ARHGEF15: variants seen among roughly 807,000 people sequenced by gnomAD.
ARHGEF15 encodes the protein Rho guanine nucleotide exchange factor 15.
A neutral mutation model predicts 79.7 loss-of-function variants in ARHGEF15; 58 were observed. The ratio of observed to expected loss-of-function variants is 0.73; its 90% CI spans 0.59 to 0.91. The LOEUF (loss-of-function observed/expected upper bound fraction) is 0.91, where lower values mean the gene tolerates loss of function less well. ARHGEF15 is among the 40% of genes least tolerant of loss of function. The pLI, the probability that ARHGEF15 is intolerant of heterozygous loss-of-function variation, is 0.00. For synonymous variants in ARHGEF15, 442 were observed against 456.0 expected, an observed-to-expected ratio of 0.97 and a Z score of 0.39; for missense variants, 1,012 against 1,108.1, an observed-to-expected ratio of 0.91 and a Z score of 1.23.
chr17:8,315,042 T>A lies in ARHGEF15; in HGVS notation c.1049-24T>A. 1 of 1,613,402 alleles carries A rather than the reference T, an allele frequency of 6.2e-7. No individual in the cohort carries two copies. Among genetic ancestry groups the A allele is most frequent in the Non-Finnish European group, 8.5e-7 (1 of 1,179,618 alleles). ...AGGGTTTGGGAGCCCTGGGCTTCCC[T>A]GAAGTGCTATGTTTGCCCTCTAGAA... On this transcript the variant is annotated intron_variant, in intron 5 of 15. Transcript: ENST00000361926. The surrounding 1 kb of genome is among the most constrained non-coding windows in gnomAD (Gnocchi z 4.3).
rs777849960 is a variant in ARHGEF15 at position 8,318,817 on chromosome 17, G to C, written c.1940G>C (p.Arg647Pro). 3.1e-6 allele frequency: 5 copies of C among 1,613,650 alleles called. No individual in the cohort carries two copies. The highest frequency in any genetic ancestry group is 1.1e-5 in the South Asian group (1 of 91,082). ...FQGELTELGC[R>P]RGGVLFASRP... ...GGAGAGCTGACTGAGTTAGGGTGCC[G>C]GAGGGGGGGCGTGCTCTTTGCCTCG... The change falls in exon 12 of 16, where the codon CGG becomes CCG. Residue 647 changes from arginine (R) to proline (P), a missense_variant. By Grantham distance (103) the Arg-to-Pro change is moderately radical. This residue lies in a region of ARHGEF15 where 818 missense variants were observed against 882.5 expected (regional missense o/e 0.93). Transcript: ENST00000361926. The surrounding 1 kb of genome is among the most constrained non-coding windows in gnomAD (Gnocchi z 5.0).
chr17:8,314,726 C>T (rs1904889885), intron 4 of ARHGEF15, 180 bp from the exon 5 acceptor site: 1 of 648,490 alleles, frequency 1.5e-6, no homozygotes. Context: ...CATAACGAGA[C>T]CTTGCCTTTC....
chr17:8,318,302 C>A lies in ARHGEF15; in HGVS notation c.1705-85C>A. On this transcript the variant is annotated intron_variant, in intron 9 of 15. Transcript: ENST00000361926. The surrounding 1 kb of genome is among the most constrained non-coding windows in gnomAD (Gnocchi z 5.0). ...TCAGCCTTGTTGAAACTGGCTGAAA[C>A]AGACAGGGTCCTCTGAGCTGTGGCC... 1 of 1,337,892 alleles carries A rather than the reference C, an allele frequency of 7.5e-7. No homozygotes were observed. The highest frequency in any genetic ancestry group is 1.0e-6 in the Non-Finnish European group (1 of 963,558). 82.9% of individuals were successfully genotyped at this position (1,337,892 alleles called of 1,614,324 possible). A position where few individuals can be genotyped will look rare whatever the true frequency, so the allele number is the denominator to read the frequency against.
chr17:8,319,405 C>T lies in ARHGEF15; in HGVS notation c.2269+11C>T, dbSNP rs1419320944. ...TCTATGAGGACTGTGGTGAGTATCCCCCTAGAGGGGATGAGGGAAGAAAAA... is the reference window on the plus strand; with the variant it reads ...TCTATGAGGACTGTGGTGAGTATCCTCCTAGAGGGGATGAGGGAAGAAAAA... On this transcript the variant is annotated intron_variant, in intron 14 of 15. Transcript: ENST00000361926. The T allele has an allele frequency of 6.2e-7, 1 of 1,608,570 alleles. No homozygotes were observed. The highest frequency in any genetic ancestry group is 1.7e-5 in the Admixed American group (1 of 58,492).
chr17:8,318,281 C>A lies in ARHGEF15; in HGVS notation c.1705-106C>A. On this transcript the variant is annotated intron_variant, in intron 9 of 15. Transcript: ENST00000361926. The surrounding 1 kb of genome is among the most constrained non-coding windows in gnomAD (Gnocchi z 5.0). ...GATGGTGAGTGATGAGGTCTGTCAG[C>A]CTTGTTGAAACTGGCTGAAACAGAC... 9.2e-7 allele frequency: 1 copy of A among 1,086,670 alleles called. No homozygotes were observed. The highest frequency in any genetic ancestry group is 1.4e-6 in the Non-Finnish European group (1 of 739,848). 67.3% of individuals were successfully genotyped at this position (1,086,670 alleles called of 1,614,324 possible). A position where few individuals can be genotyped will look rare whatever the true frequency, so the allele number is the denominator to read the frequency against.
At chr17:8,311,081 TC>T (rs1904581033) in intron 1 of ARHGEF15, among the ~76,000 whole-genome samples, 2 of 151,604 alleles carry the variant, frequency 1.3e-5, no homozygotes, top group Admixed American at 6.6e-5. Flanking sequence ...ACCCCCTTGT[TC>T]CCCCCTCATC....
At position 8,321,089 on chromosome 17, in the gene ARHGEF15, G is replaced by C. The variant is rs1490250552; in HGVS notation, c.*96G>C. 5 of 1,509,280 alleles carry C rather than the reference G, an allele frequency of 3.3e-6. No homozygotes were observed. The highest frequency in any genetic ancestry group is 4.5e-6 in the Non-Finnish European group (5 of 1,104,302). 93.5% of individuals were successfully genotyped at this position (1,509,280 alleles called of 1,614,324 possible). On this transcript the variant is annotated 3_prime_UTR_variant, in exon 16 of 16. Coordinates refer to ENST00000361926, the MANE Select transcript of ARHGEF15 (RefSeq NM_173728.4). ...ATCCATTGGATTCACTGTCAGTGGA[G>C]ATACTACCTCTCGTGGCAACCATAG...
intron 9 of ARHGEF15, among the ~76,000 whole-genome samples, chr17:8,317,169 C>T (rs999715755): frequency 6.6e-6 from 1 of 152,148 alleles, no homozygotes; most frequent in Non-Finnish European, 1.5e-5. Flanking sequence ...GGCACGATCA[C>T]GGCTCACTGC....
In ARHGEF15 at chr17:8,313,150, T is replaced by A. The variant is rs871841; in HGVS notation, c.830T>A (p.Leu277His). ...ACTGCTGAGCGCAAACTCCTGCCAC[T>A]CCTCAAGCCTCCCAAACCAACTCGT... Reference protein sequence around the residue: ...RSTAERKLLPLLKPPKPTRVR... With the variant: ...RSTAERKLLPHLKPPKPTRVR... Residue 277 changes from leucine to histidine, a missense_variant, in exon 3 of 16, where the codon CTC becomes CAC. Coordinates refer to ENST00000361926, the MANE Select transcript of ARHGEF15 (RefSeq NM_173728.4). The A allele has an allele frequency of 6.3e-7, 1 of 1,595,074 alleles. No individual in the cohort carries two copies. The highest frequency in any genetic ancestry group is 8.6e-7 in the Non-Finnish European group (1 of 1,167,788).
intron 15 of ARHGEF15, 41 bp from the exon 16 acceptor site, chr17:8,320,801 C>G (rs1391399392): frequency 1.9e-6 from 3 of 1,605,474 alleles, no homozygotes; most frequent in Non-Finnish European, 2.6e-6. Context: ...CACCTGCTCC[C>G]TGCCCCCACC....
In ARHGEF15 at chr17:8,316,291, C is replaced by G. The variant is rs28503453; in HGVS notation, c.1704+143C>G. The G allele has an allele frequency of 2.6e-3, 3,520 of 1,337,694 alleles. 70 individuals are homozygous for G. In the African/African-American group the frequency reaches 0.045, roughly 17 times the overall value. 82.9% of individuals were successfully genotyped at this position (1,337,694 alleles called of 1,614,324 possible). ...CCAAATCATAACTCCGAATCTGGGTCTCTCAGCCTAGGACTCACCAAGTCC... is the reference window on the plus strand; with the variant it reads ...CCAAATCATAACTCCGAATCTGGGTGTCTCAGCCTAGGACTCACCAAGTCC... On this transcript the variant is annotated intron_variant, in intron 9 of 15. Transcript: ENST00000361926.
intron 15 of ARHGEF15, 33 bp from the exon 16 acceptor site, chr17:8,320,809 A>C (rs1597468197): frequency 6.2e-7 from 1 of 1,608,124 alleles, no homozygotes; most frequent in Admixed American, 1.7e-5. Flanking sequence ...CCCTGCCCCC[A>C]CCTCATTGGA....
intron 9 of ARHGEF15, among the ~76,000 whole-genome samples, chr17:8,316,604 A>T (rs1022852403): frequency 3.9e-5 from 6 of 152,236 alleles, no homozygotes; most frequent in African/African-American, 1.4e-4. Context: ...AATCTTAGTT[A>T]TTCCAACAGT....
At position 8,321,053 on chromosome 17, in the gene ARHGEF15, A is replaced by G. The variant is rs1905359055; in HGVS notation, c.*60A>G. 1.3e-6 allele frequency: 2 copies of G among 1,598,364 alleles called. No homozygotes were observed. The highest frequency in any genetic ancestry group is 8.6e-7 in the Non-Finnish European group (1 of 1,168,512). Reference sequence around the variant, plus strand: ...CCTACCAGTGTGGCACGGAGAGAACAAAGCCCATTCATCCATTGGATTCAC... The same window carrying G: ...CCTACCAGTGTGGCACGGAGAGAACGAAGCCCATTCATCCATTGGATTCAC... On this transcript the variant is annotated 3_prime_UTR_variant, in exon 16 of 16. Coordinates refer to ENST00000361926, the MANE Select transcript of ARHGEF15 (RefSeq NM_173728.4).
rs373751727 is a variant in ARHGEF15, at chr17:8,312,077, C to G, written c.38C>G (p.Thr13Arg). 3.0e-5 allele frequency: 42 copies of G among 1,418,020 alleles called. No individual in the cohort carries two copies. In the African/African-American group the frequency reaches 4.8e-4, roughly 16 times the overall value. 87.8% of individuals were successfully genotyped at this position (1,418,020 alleles called of 1,614,324 possible). Reference sequence around the variant, plus strand: ...TCCCTTCCTGCAGCAACACCCCCCACGCAGAAGCCCCCTCGGATCATCCGC... The same window carrying G: ...TCCCTTCCTGCAGCAACACCCCCCAGGCAGAAGCCCCCTCGGATCATCCGC... ...AQSLPAATPP[T>R]QKPPRIIRPR... Residue 13 changes from threonine (T) to arginine (R), a missense_variant, in exon 2 of 16, where the codon ACG (threonine) becomes AGG (arginine). Around this residue, in one of 3 missense-constraint regions of ARHGEF15, gnomAD observed 818 missense variants for 882.5 expected, o/e 0.93. Transcript: ENST00000361926.
At position 8,318,575 on chromosome 17, in the gene ARHGEF15, C is replaced by T. The variant is rs779827070; in HGVS notation, c.1785C>T (p.Ile595=). Residue 595 remains isoleucine (I), a synonymous_variant, in exon 11 of 16, where the codon ATC becomes ATT. Transcript: ENST00000361926. This position sits in a 1 kb window ranked among gnomAD's most constrained non-coding sequence, Gnocchi z 5.0. ...ACACAGCTCCCCTTACCTAGATCAT[C>T]GAGCGTTGCAGCGCTGAGGTGGGGC... ...QKALGAVSKI[I]ERCSAEVGRM... 1.9e-5 allele frequency: 31 copies of T among 1,613,238 alleles called. 1 individual carries two copies. The highest frequency in any genetic ancestry group is 3.3e-4 in the Middle Eastern group (2 of 6,082).
rs587777166 is a variant in ARHGEF15, at chr17:8,318,600, C to T, written c.1810C>T (p.Arg604Cys). 5.2e-5 allele frequency: 84 copies of T among 1,613,690 alleles called. No homozygotes were observed. The East Asian group carries it at 1.3e-3, about 25-fold the overall frequency. Residue 604 changes from arginine (R) to cysteine (C), a missense_variant, in exon 11 of 16, where the codon CGC becomes TGC. Arg to Cys is a radical substitution (Grantham distance 180, BLOSUM62 -3). Around this residue, in one of 3 missense-constraint regions of ARHGEF15, gnomAD observed 818 missense variants for 882.5 expected, o/e 0.93. Coordinates refer to ENST00000361926, the MANE Select transcript of ARHGEF15 (RefSeq NM_173728.4). The surrounding 1 kb of genome is among the most constrained non-coding windows in gnomAD (Gnocchi z 5.0). ...IIERCSAEVG[R>C]MKQTEELIRL... ...CGAGCGTTGCAGCGCTGAGGTGGGG[C>T]GCATGAAGCAGACTGAAGAGCTGAT...
At position 8,319,118 on chromosome 17, in the gene ARHGEF15, C is replaced by T; in HGVS notation, c.2145C>T (p.His715=). ...PTFRLSLLSN[H]QGRPTHRLLQ... ...TCCGCCTCTCCCTTCTCAGCAACCA[C>T]CAGGGCCGCCCCACCCACCGACTAC... The change falls in exon 13 of 16, where the codon CAC becomes CAT. Residue 715 remains histidine, a synonymous_variant. Transcript: ENST00000361926. The T allele has an allele frequency of 6.2e-7, 1 of 1,614,060 alleles. No individual in the cohort carries two copies.
rs995267778 is a variant in ARHGEF15, at chr17:8,321,962, A to G, written c.*969A>G. The G allele has an allele frequency of 2.0e-5, 3 of 152,916 alleles. No individual in the cohort carries two copies. Among genetic ancestry groups the G allele is most frequent in the Admixed American group, 6.5e-5 (1 of 15,288 alleles). The allele number at this position is 152,916 out of a possible 1,614,324, so 9.5% of individuals were successfully genotyped here. On this transcript the variant is annotated 3_prime_UTR_variant, in exon 16 of 16. Transcript: ENST00000361926. ...TCTGCAGACCCTTCTCCTTGCCCCA[A>G]ACACTGGCCTCCATAATTCCTGCCT...
Sources: allele counts gnomAD v4.1 joint callset (sites outside exome capture counted in the v4.1 genomes callset), GRCh38; gene constraint gnomAD v4.1.1; regional missense constraint gnomAD v4.1.1; non-coding constraint Gnocchi (gnomAD v3.1); transcripts MANE v1.5; gene names NCBI Gene and HGNC (gene_info 2026-07-23, HGNC 2026-07-21).